Variants in DGLUCY observed in about 807,000 individuals in gnomAD.
DGLUCY encodes D-glutamate cyclase, mitochondrial.
Under a neutral mutation model 58.5 loss-of-function variants are expected in DGLUCY, and 58 were observed. The observed-to-expected ratio is 0.99, with a 90% confidence interval of 0.80 to 1.23. The LOEUF (loss-of-function observed/expected upper bound fraction) is 1.23, where lower values mean the gene tolerates loss of function less well. Ranked by LOEUF, DGLUCY falls within the 50% of genes most tolerant of loss-of-function variation. The pLI, the probability that DGLUCY is intolerant of heterozygous loss-of-function variation, is 0.00. For missense variants in DGLUCY, 779 were observed against 784.7 expected (o/e 0.99, Z 0.09); for synonymous variants, 325 against 314.1 (o/e 1.03, Z -0.37).
chr14:91,159,171 G>T (rs1160740667), intron 2 of DGLUCY, among the ~76,000 whole-genome samples: 4 of 150,666 alleles, frequency 2.7e-5, no homozygotes, highest in Non-Finnish European at 4.4e-5. Context: ...TTTAGGCCAG[G>T]TGTGGTGGCT....
intron 3 of DGLUCY, among the ~76,000 whole-genome samples, chr14:91,163,208 C>T (rs2048089479): frequency 6.6e-6 from 1 of 151,728 alleles, no homozygotes; most frequent in Admixed American, 6.6e-5. Context: ...TGCAGTGAGC[C>T]AAGATTGCGC....
chr14:91,179,581 T>C (rs2049042332), intron 7 of DGLUCY, among the ~76,000 whole-genome samples: 2 of 152,012 alleles, frequency 1.3e-5, no homozygotes, highest in Admixed American at 6.6e-5. Context: ...CAAAACCCTG[T>C]CTCTACTAAA....
chr14:91,060,743 CAG>C lies in DGLUCY; in HGVS notation c.-82+40_-82+41del, dbSNP rs1428094717. 11 of 252,894 alleles carry C rather than the reference CAG, an allele frequency of 4.3e-5. 1 individual carries two copies. 15.7% of individuals were successfully genotyped at this position (252,894 alleles called of 1,614,324 possible). A position where few individuals can be genotyped will look rare whatever the true frequency, so the allele number is the denominator to read the frequency against. ...TCGAGCCGCCTTCGCTGATTGGACA[CAG>C]GGCGCGCGCGTCTGCCAACGCCGGT... On this transcript the variant is annotated intron_variant, in intron 1 of 4. Coordinates refer to the DGLUCY transcript ENST00000521334.
Position 91,067,512 on chromosome 14 carries a change from C to G in DGLUCY, c.-82+6808C>G, listed in dbSNP as rs546632120. Among the ~76,000 whole-genome samples the G allele has an allele frequency of 1.2e-3, 189 of 152,098 alleles. 1 individual carries two copies. The highest frequency in any genetic ancestry group is 2.0e-3 in the Non-Finnish European group (136 of 67,972). On this transcript the variant is annotated intron_variant, in intron 1 of 4. Transcript: ENST00000521334. Reference sequence around the variant, plus strand: ...AGTATACATAGATAAGAAAGAAAATCTTTCAAAAAGTCAAAAACTACATTA... The same window carrying G: ...AGTATACATAGATAAGAAAGAAAATGTTTCAAAAAGTCAAAAACTACATTA...
chr14:91,213,065 G>A (rs1885940827), intron 12 of DGLUCY, among the ~76,000 whole-genome samples: 2 of 151,548 alleles, frequency 1.3e-5, no homozygotes, highest in Admixed American at 6.6e-5. Flanking sequence ...CAGTCCAAGA[G>A]TTCCAGGTTA....
intron 12 of DGLUCY, among the ~76,000 whole-genome samples, chr14:91,205,830 TTTC>T (rs1177681775): frequency 1.1e-4 from 14 of 123,976 alleles, no homozygotes; most frequent in African/African-American, 3.8e-4. Flanking sequence ...TCCTCCTCCC[TTTC>T]TTCTTCTTCT....
intron 1 of DGLUCY, among the ~76,000 whole-genome samples, chr14:91,143,623 T>A (rs1474056896): frequency 6.6e-6 from 1 of 152,190 alleles, no homozygotes; most frequent in Non-Finnish European, 1.5e-5. Flanking sequence ...TGGCCAATGT[T>A]TTCTTGAACC....
At chr14:91,127,479 GTCTT>G (rs1458537039) in intron 1 of DGLUCY, among the ~76,000 whole-genome samples, 1 of 152,270 alleles carries the variant, frequency 6.6e-6, no homozygotes, top group Non-Finnish European at 1.5e-5. Context: ...TTCTCCCTGA[GTCTT>G]CCTTCAGACT....
intron 1 of DGLUCY, among the ~76,000 whole-genome samples, chr14:91,065,319 G>C (rs1373188869): frequency 1.3e-5 from 2 of 152,192 alleles, no homozygotes; most frequent in Admixed American, 1.3e-4. Context: ...CTGGGTGGGA[G>C]ATGAGCGGTT....
At chr14:91,135,624 T>C (rs11622250) in intron 1 of DGLUCY, among the ~76,000 whole-genome samples, 4,982 of 130,742 alleles carry the variant, frequency 0.038, 130 homozygotes, top group Middle Eastern at 0.081. Context: ...CACTCTAGCC[T>C]GGGCAACAAG....
intron 7 of DGLUCY, among the ~76,000 whole-genome samples, chr14:91,177,652 C>T (rs541967290): frequency 6.6e-6 from 1 of 152,354 alleles, no homozygotes; most frequent in Admixed American, 6.5e-5. Context: ...CCAGGCCAGC[C>T]ACACTTGCGC....
chr14:91,185,925 A>T (rs2049488932), intron 8 of DGLUCY, among the ~76,000 whole-genome samples: 1 of 152,138 alleles, frequency 6.6e-6, no homozygotes, highest in Non-Finnish European at 1.5e-5. Context: ...AGAACAACAG[A>T]TGCTTTTGAT....
At chr14:91,068,067 A>ACG (rs2043852509) in intron 1 of DGLUCY, among the ~76,000 whole-genome samples, 3 of 114,194 alleles carry the variant, frequency 2.6e-5, no homozygotes, top group Admixed American at 9.8e-5. Flanking sequence ...GTGCACACAC[A>ACG]CACACGCGCA....
intron 1 of DGLUCY, among the ~76,000 whole-genome samples, chr14:91,156,204 C>G (rs1271147379): frequency 6.6e-6 from 1 of 151,750 alleles, no homozygotes; most frequent in East Asian, 1.9e-4. Flanking sequence ...ACCTCCGCCT[C>G]CCAGGTTCAA....
chr14:91,100,624 C>T (rs1392446260), intron 1 of DGLUCY, among the ~76,000 whole-genome samples: 1 of 152,216 alleles, frequency 6.6e-6, no homozygotes. Context: ...AACCTGACAG[C>T]ATCCCATCTT....
At chr14:91,061,824 T>C (rs901008831) in intron 1 of DGLUCY, among the ~76,000 whole-genome samples, 1 of 152,098 alleles carries the variant, frequency 6.6e-6, no homozygotes, top group Non-Finnish European at 1.5e-5. Flanking sequence ...TTTTTTTTAG[T>C]ACACAGTGAT....
intron 3 of DGLUCY, among the ~76,000 whole-genome samples, chr14:91,164,049 A>G (rs1377585519): frequency 6.6e-6 from 1 of 152,136 alleles, no homozygotes; most frequent in East Asian, 1.9e-4. Flanking sequence ...TCCCAGGTTC[A>G]AGCGATTCTC....
At chr14:91,167,429 G>A (rs1351156549) in intron 4 of DGLUCY, 51 bp downstream of exon 4, 3 of 1,608,190 alleles carry the variant, frequency 1.9e-6, no homozygotes, top group Non-Finnish European at 2.6e-6. Flanking sequence ...TCCAGGTGCT[G>A]TAGCCAGGTG....
At chr14:91,076,838 G>A (rs556078249) in intron 1 of DGLUCY, among the ~76,000 whole-genome samples, 6 of 152,214 alleles carry the variant, frequency 3.9e-5, no homozygotes, top group Middle Eastern at 3.4e-3. Flanking sequence ...GGGAGTTACG[G>A]GCTAGACCAC....
Sources: gnomAD v4.1 joint callset for allele counts (sites outside exome capture counted in the v4.1 genomes callset) on GRCh38, gnomAD v4.1.1 for gene constraint, MANE v1.5 for transcripts, NCBI Gene and HGNC (gene_info 2026-07-23, HGNC 2026-07-21) for gene names.